Variants in ADARB1 observed in about 807,000 individuals in gnomAD.
The protein encoded by ADARB1 is adenosine deaminase RNA specific B1, also known as double-stranded RNA-specific editase 1.
Under a neutral mutation model 52.4 loss-of-function variants are expected in ADARB1, and 10 were observed. The observed-to-expected ratio is 0.19, with a 90% CI of 0.12 to 0.32. The LOEUF is 0.32. ADARB1 is among the 10% of genes least tolerant of loss of function. ADARB1 has a pLI of 1.00. For synonymous variants in ADARB1, 349 were observed against 371.1 expected, an observed-to-expected ratio of 0.94 and a Z score of 0.68; for missense variants, 643 against 922.3, an observed-to-expected ratio of 0.70 and a Z score of 3.92.
At chr21:45,183,578 G>A (rs1265688087) in intron 7 of ADARB1, 68 bp downstream of exon 7, 26 of 1,531,544 alleles carry the variant, frequency 1.7e-5, no homozygotes, top group Non-Finnish European at 2.3e-5. Flanking sequence ...ACTAACCTGT[G>A]TTAATATCCC....
At position 45,221,913 on chromosome 21, in the gene ADARB1, C is replaced by A. The variant is rs990275779; in HGVS notation, c.1927-105C>A. The A allele has an allele frequency of 2.3e-6, 3 of 1,302,582 alleles. No homozygotes were observed. The highest frequency in any genetic ancestry group is 1.5e-5 in the African/African-American group (1 of 67,688). 80.7% of individuals were successfully genotyped at this position (1,302,582 alleles called of 1,614,324 possible). A position where few individuals can be genotyped will look rare whatever the true frequency, so the allele number is the denominator to read the frequency against. The stretch of plus-strand genomic sequence containing the variant: ...GCCTTCCTCTGGGTTGCTTTCCCCC[C>A]AGAAGCCAATGCAGTTCTGAAGGCC... On this transcript the variant is annotated intron_variant, in intron 10 of 10. Coordinates refer to ENST00000348831, the MANE Select transcript of ADARB1 (RefSeq NM_001112.4). The surrounding 1 kb of genome is among the most constrained non-coding windows in gnomAD (Gnocchi z 4.9).
chr21:45,220,425 C>T lies in ADARB1; in HGVS notation c.1748-411C>T, dbSNP rs776355692. Among the ~76,000 whole-genome samples, 10 of 152,122 alleles carry T rather than the reference C, an allele frequency of 6.6e-5. No individual in the cohort carries two copies. The highest frequency in any genetic ancestry group is 1.4e-4 in the African/African-American group (6 of 41,420). On this transcript the variant is annotated intron_variant, in intron 9 of 10. Transcript: ENST00000348831. The surrounding 1 kb of genome is among the most constrained non-coding windows in gnomAD (Gnocchi z 6.3). ...GATACAGGAGCAACCCCCACCTGCA[C>T]GACCTCATGGGACCCTGCATTAGTC...
chr21:45,134,762 A>G, intron 2 of ADARB1: 3 of 532,588 alleles, frequency 5.6e-6, no homozygotes, highest in Middle Eastern at 3.2e-4. Context: ...TCCAGCGAGC[A>G]TTGAGGACCC....
At position 45,223,891 on chromosome 21, in the gene ADARB1, C is replaced by T; in HGVS notation, c.*1694C>T. On this transcript the variant is annotated 3_prime_UTR_variant, in exon 11 of 11. Coordinates refer to ENST00000348831, the MANE Select transcript of ADARB1 (RefSeq NM_001112.4). ...TCATTGTTGGGGACATGACCGGGTT[C>T]AGCGGCTAGAACATCTGCCCCACAG... 2.0e-6 allele frequency: 2 copies of T among 985,560 alleles called. No individual in the cohort carries two copies. The highest frequency in any genetic ancestry group is 2.4e-6 in the Non-Finnish European group (2 of 830,096). 61.1% of individuals were successfully genotyped at this position (985,560 alleles called of 1,614,324 possible).
chr21:45,159,182 C>T (rs1432755522), intron 2 of ADARB1, among the ~76,000 whole-genome samples: 2 of 152,120 alleles, frequency 1.3e-5, no homozygotes, highest in African/African-American at 4.8e-5. Flanking sequence ...GCAGAGGCCT[C>T]TCAATCATGA....
chr21:45,091,401 A>C (rs1358533671), intron 1 of ADARB1, among the ~76,000 whole-genome samples: 1 of 152,208 alleles, frequency 6.6e-6, no homozygotes, highest in Admixed American at 6.5e-5. Flanking sequence ...TTACTTTAGA[A>C]AGGTTAATGA....
chr21:45,078,236 A>G (rs1027920278), intron 1 of ADARB1, among the ~76,000 whole-genome samples: 1 of 152,222 alleles, frequency 6.6e-6, no homozygotes, highest in Non-Finnish European at 1.5e-5. Flanking sequence ...TTGGAAGTAC[A>G]GTGAAATGGA....
In ADARB1 at chr21:45,113,443, CTA is replaced by C. The variant is rs1264493331; in HGVS notation, c.-219-14947_-219-14946del. On this transcript the variant is annotated intron_variant, in intron 1 of 10. Coordinates refer to ENST00000348831, the MANE Select transcript of ADARB1 (RefSeq NM_001112.4). ...GTCTCAAAAACAAAACAAAACAAAA[CTA>C]TATATATATATGTGTGTGTGTGTAT... 3.8e-4 allele frequency among the ~76,000 whole-genome samples: 56 copies of C among 148,282 alleles called. 1 individual carries two copies. Among genetic ancestry groups the C allele is most frequent in the Middle Eastern group, 6.9e-3 (2 of 288 alleles).
At chr21:45,084,606 C>G (rs980576232) in intron 1 of ADARB1, among the ~76,000 whole-genome samples, 1 of 152,224 alleles carries the variant, frequency 6.6e-6, no homozygotes, top group African/African-American at 2.4e-5. Context: ...TTTTTCACTT[C>G]TGTAAGTCCA....
intron 1 of ADARB1, among the ~76,000 whole-genome samples, chr21:45,079,419 C>T (rs1013371188): frequency 6.6e-6 from 1 of 152,186 alleles, no homozygotes; most frequent in Non-Finnish European, 1.5e-5. Context: ...TCTTCCAACT[C>T]AGCTTTTGAC....
At chr21:45,143,867 T>C (rs1441019758) in intron 2 of ADARB1, among the ~76,000 whole-genome samples, 1 of 152,242 alleles carries the variant, frequency 6.6e-6, no homozygotes, top group Non-Finnish European at 1.5e-5. Flanking sequence ...CCAGCCATCA[T>C]CCTAGAATAA....
chr21:45,168,761 G>T (rs1409742475), intron 2 of ADARB1, among the ~76,000 whole-genome samples: 7 of 151,898 alleles, frequency 4.6e-5, no homozygotes, highest in African/African-American at 1.7e-4. Flanking sequence ...TTTTATGGTG[G>T]TTACATTAAA....
chr21:45,148,025 A>G (rs1279608726), intron 2 of ADARB1, among the ~76,000 whole-genome samples: 2 of 150,542 alleles, frequency 1.3e-5, no homozygotes, highest in Non-Finnish European at 2.9e-5. Context: ...ACCCCACCAG[A>G]GGCCTGTCGG....
intron 1 of ADARB1, among the ~76,000 whole-genome samples, chr21:45,103,563 A>G (rs927137967): frequency 1.3e-5 from 2 of 151,822 alleles, no homozygotes; most frequent in African/African-American, 2.4e-5. Context: ...GCAGTTCACA[A>G]TAGGGTTCCA....
intron 7 of ADARB1, chr21:45,184,541 T>A: frequency 2.7e-6 from 1 of 367,680 alleles, no homozygotes; most frequent in Non-Finnish European, 5.4e-6. Context: ...CTCGACCTCC[T>A]GGGCTCTTAA....
chr21:45,155,606 C>T (rs1237610745), intron 2 of ADARB1, among the ~76,000 whole-genome samples: 4 of 151,588 alleles, frequency 2.6e-5, no homozygotes, highest in Non-Finnish European at 4.4e-5. Context: ...ACTCACCCAT[C>T]CATCCACCCA....
At chr21:45,092,406 G>A (rs1184108717) in intron 1 of ADARB1, among the ~76,000 whole-genome samples, 1 of 152,120 alleles carries the variant, frequency 6.6e-6, no homozygotes, top group Non-Finnish European at 1.5e-5. Context: ...TTTTAAAAAT[G>A]AACATAAACA....
chr21:45,104,450 T>A (rs1356905359), intron 1 of ADARB1, among the ~76,000 whole-genome samples: 1 of 151,976 alleles, frequency 6.6e-6, no homozygotes, highest in Non-Finnish European at 1.5e-5. Context: ...AAGAATTGGG[T>A]CAGTGGAGAC....
At chr21:45,214,275 A>G (rs568021920) in intron 9 of ADARB1, among the ~76,000 whole-genome samples, 2 of 152,312 alleles carry the variant, frequency 1.3e-5, no homozygotes, top group East Asian at 3.9e-4. Context: ...TATTTTCTAG[A>G]TACAGATCCT....
Sources: allele counts gnomAD v4.1 joint callset (sites outside exome capture counted in the v4.1 genomes callset), GRCh38; gene constraint gnomAD v4.1.1; non-coding constraint Gnocchi (gnomAD v3.1); transcripts MANE v1.5; gene names NCBI Gene and HGNC (gene_info 2026-07-23, HGNC 2026-07-21).